The following MOB4 variants were observed in gnomAD, a reference collection of about 807,000 sequenced individuals.
MOB4 encodes the protein MOB-like protein phocein.
MOB4 carries 4 observed loss-of-function variants against 32.2 expected under a neutral mutation model. The ratio of observed to expected loss-of-function variants is 0.12; its 90% CI spans 0.06 to 0.28. The LOEUF (loss-of-function observed/expected upper bound fraction) is 0.28. MOB4 is among the 10% of genes least tolerant of loss of function. The pLI, the probability that MOB4 is intolerant of heterozygous loss-of-function variation, is 1.00. For synonymous variants in MOB4, 88 were observed against 88.1 expected (o/e 1.00, Z 0.01); for missense variants, 158 against 271.2 (o/e 0.58, Z 2.93).
At chr2:197,530,813 C>T (rs550771247) in intron 2 of MOB4, among the ~76,000 whole-genome samples, 10 of 152,026 alleles carry the variant, frequency 6.6e-5, no homozygotes, top group African/African-American at 2.2e-4. Context: ...TGCCCAAGGT[C>T]TCTAACTCCT....
chr2:197,541,813 G>A (rs370024565), intron 5 of MOB4, among the ~76,000 whole-genome samples: 9 of 151,694 alleles, frequency 5.9e-5, no homozygotes, highest in African/African-American at 2.2e-4. Context: ...CAGCTACTTG[G>A]GAGGCTGAGG....
intron 6 of MOB4, 32 bp downstream of exon 6, chr2:197,548,447 AT>A: frequency 8.6e-7 from 1 of 1,166,938 alleles, no homozygotes. Flanking sequence ...AGTGTTAAAC[AT>A]TTTAGAGTTA....
At chr2:197,525,343 A>G (rs1486086392) in intron 2 of MOB4, among the ~76,000 whole-genome samples, 1 of 150,078 alleles carries the variant, frequency 6.7e-6, no homozygotes, top group Admixed American at 6.6e-5. Flanking sequence ...GCAAGACTCC[A>G]TCTCAAAAAA....
chr2:197,527,761 T>C (rs953542903), intron 2 of MOB4, among the ~76,000 whole-genome samples: 4 of 152,230 alleles, frequency 2.6e-5, no homozygotes, highest in Non-Finnish European at 5.9e-5. Context: ...TGAGGTTAGC[T>C]GTGAGCTTTT....
At chr2:197,518,756 ATTTT>A (rs1467013677) in intron 1 of MOB4, among the ~76,000 whole-genome samples, 1 of 149,050 alleles carries the variant, frequency 6.7e-6, no homozygotes, top group African/African-American at 2.5e-5. Flanking sequence ...ATTTTTATTT[ATTTT>A]ATTTTATTTT....
intron 2 of MOB4, among the ~76,000 whole-genome samples, chr2:197,529,407 G>A (rs2086662555): frequency 6.6e-6 from 1 of 151,092 alleles, no homozygotes; most frequent in Non-Finnish European, 1.5e-5. Flanking sequence ...ACTGGAGTAC[G>A]GTGGCGTGAT....
At chr2:197,535,679 T>C (rs1241471753) in intron 3 of MOB4, 49 bp downstream of exon 3, 1 of 1,556,456 alleles carries the variant, frequency 6.4e-7, no homozygotes, top group South Asian at 1.2e-5. Context: ...AAAACTAGCT[T>C]TCATATTAAT....
At position 197,530,363 on chromosome 2, in the gene MOB4, A is replaced by T. The variant is rs1574635250; in HGVS notation, c.124-5167A>T. On this transcript the variant is annotated intron_variant, in intron 2 of 7. Transcript: ENST00000323303. ...GCTTACTGCAGCCTTAAACTCCTGG[A>T]CTTAAGAGATTTTCTCACCTCACCT... Among the ~76,000 whole-genome samples, 3 of 150,746 alleles carry T rather than the reference A, an allele frequency of 2.0e-5. No homozygotes were observed. In the South Asian group the frequency reaches 6.3e-4, roughly 32 times the overall value.
At chr2:197,515,986 G>T (rs557597656), upstream of MOB4, 5 of 1,260,346 alleles carry the variant, frequency 4.0e-6, no homozygotes, top group East Asian at 1.4e-4. Context: ...GTCAGCTGCC[G>T]CTCCTCCTCC....
In MOB4 at chr2:197,535,523, T is replaced by A; in HGVS notation, c.124-7T>A. The A allele has an allele frequency of 6.3e-7, 1 of 1,585,384 alleles. No individual in the cohort carries two copies. Among genetic ancestry groups the A allele is most frequent in the Non-Finnish European group, 8.5e-7 (1 of 1,171,008 alleles). On this transcript the variant is annotated splice_polypyrimidine_tract_variant and splice_region_variant and intron_variant, in intron 2 of 7. Coordinates refer to ENST00000323303, the MANE Select transcript of MOB4 (RefSeq NM_015387.5). ...TTAATTAACCATAAGAACTTCTTTG[T>A]TTTTAGTATATTCAACAGAACATAA...
chr2:197,519,836 G>C (rs1385373947), intron 1 of MOB4, among the ~76,000 whole-genome samples: 1 of 152,120 alleles, frequency 6.6e-6, no homozygotes, highest in Non-Finnish European at 1.5e-5. Flanking sequence ...CAGAGTATTG[G>C]TAGAAACTTT....
At chr2:197,527,596 T>C (rs1004465196) in intron 2 of MOB4, among the ~76,000 whole-genome samples, 8 of 152,242 alleles carry the variant, frequency 5.3e-5, no homozygotes, top group African/African-American at 1.9e-4. Context: ...GAGATAGTTT[T>C]ACCACTTCCT....
intron 2 of MOB4, among the ~76,000 whole-genome samples, chr2:197,525,026 G>T (rs1317676771): frequency 1.3e-5 from 2 of 152,034 alleles, no homozygotes; most frequent in Non-Finnish European, 2.9e-5. Context: ...AGGCTGTTTG[G>T]CTTCATTTTG....
intron 2 of MOB4, among the ~76,000 whole-genome samples, chr2:197,527,862 A>G (rs1438701949): frequency 2.0e-5 from 3 of 152,064 alleles, no homozygotes; most frequent in Admixed American, 1.3e-4. Flanking sequence ...ATTTTGTCAG[A>G]TATCTTTTCT....
At chr2:197,521,246 CGGT>C (rs1454279772) in intron 1 of MOB4, among the ~76,000 whole-genome samples, 5 of 152,088 alleles carry the variant, frequency 3.3e-5, no homozygotes, top group African/African-American at 4.8e-5. Context: ...CATCACATGT[CGGT>C]GGGTACCGTG....
intron 2 of MOB4, among the ~76,000 whole-genome samples, chr2:197,534,495 T>A (rs2086764206): frequency 6.6e-6 from 1 of 152,178 alleles, no homozygotes; most frequent in Non-Finnish European, 1.5e-5. Context: ...AGTGATTATA[T>A]TCACAGGGTT....
chr2:197,516,379 T>C (rs965676037), intron 1 of MOB4: 3 of 1,412,154 alleles, frequency 2.1e-6, no homozygotes, highest in East Asian at 5.4e-5. Context: ...GCGGGTGGGG[T>C]CTGCTGGTGG....
At chr2:197,531,670 AT>A (rs1186085230) in intron 2 of MOB4, among the ~76,000 whole-genome samples, 3 of 151,756 alleles carry the variant, frequency 2.0e-5, no homozygotes, top group African/African-American at 4.8e-5. Flanking sequence ...GGTTCAAGTG[AT>A]TCTACTGCCT....
At chr2:197,526,468 C>T (rs1354825807) in intron 2 of MOB4, among the ~76,000 whole-genome samples, 1 of 152,158 alleles carries the variant, frequency 6.6e-6, no homozygotes, top group African/African-American at 2.4e-5. Flanking sequence ...AGGCGCCCGC[C>T]CCTGCGCCTG....
Sources: gnomAD v4.1 joint callset for allele counts (sites outside exome capture counted in the v4.1 genomes callset) on GRCh38, gnomAD v4.1.1 for gene constraint, MANE v1.5 for transcripts, NCBI Gene and HGNC (gene_info 2026-07-23, HGNC 2026-07-21) for gene names.